Variants in COL19A1 observed in about 807,000 individuals in gnomAD.
COL19A1 encodes collagen type XIX alpha 1 chain, also known as collagen alpha-1(XIX) chain.
In COL19A1, 159 loss-of-function variants were observed where a neutral mutation model predicts 190.2. The observed-to-expected ratio is 0.84, with a 90% CI of 0.73 to 0.95. COL19A1 has a LOEUF of 0.95. COL19A1 is among the 40% of genes least tolerant of loss of function. The pLI is 0.00. For missense variants in COL19A1, 1,418 were observed against 1,431.9 expected (o/e 0.99, Z 0.16); for synonymous variants, 509 against 458.9 (o/e 1.11, Z -1.39).
At chr6:70,064,452 G>A (rs922722852) in intron 14 of COL19A1, among the ~76,000 whole-genome samples, 3 of 152,084 alleles carry the variant, frequency 2.0e-5, no homozygotes, top group African/African-American at 4.8e-5. Context: ...GTATTGATGG[G>A]ACGTATCTCA....
intron 2 of COL19A1, among the ~76,000 whole-genome samples, chr6:69,893,240 A>C (rs1769478896): frequency 1.3e-5 from 2 of 152,186 alleles, no homozygotes; most frequent in Admixed American, 1.3e-4. Context: ...TTTATTCCAA[A>C]GGTTACAATT....
chr6:69,900,540 T>C (rs1383479960), intron 4 of COL19A1, among the ~76,000 whole-genome samples: 1 of 152,094 alleles, frequency 6.6e-6, no homozygotes, highest in Non-Finnish European at 1.5e-5. Context: ...TAAATATCAT[T>C]TATATGTACA....
At chr6:70,175,041 A>G (rs1765721253) in intron 41 of COL19A1, among the ~76,000 whole-genome samples, 1 of 152,254 alleles carries the variant, frequency 6.6e-6, no homozygotes, top group South Asian at 2.1e-4. Flanking sequence ...CAAATATTTC[A>G]TTGAATGAAA....
rs754246388 is a variant in COL19A1, at chr6:69,960,044, A to G, written c.981+4A>G. 1.2e-6 allele frequency: 2 copies of G among 1,612,022 alleles called. No homozygotes were observed. The highest frequency in any genetic ancestry group is 4.5e-5 in the East Asian group (2 of 44,820). Reference sequence around the variant, plus strand: ...TCCAGGATTCCCTGGTCAAAAGGTAAAGAGTTCTTGAATGTTTCATCTGAG... The same window carrying G: ...TCCAGGATTCCCTGGTCAAAAGGTAGAGAGTTCTTGAATGTTTCATCTGAG... On this transcript the variant is annotated splice_donor_region_variant and intron_variant, in intron 10 of 50. Coordinates refer to ENST00000620364, the MANE Select transcript of COL19A1 (RefSeq NM_001858.6).
chr6:69,891,701 C>T (rs1769363206), intron 2 of COL19A1, among the ~76,000 whole-genome samples: 1 of 152,198 alleles, frequency 6.6e-6, no homozygotes, highest in Non-Finnish European at 1.5e-5. Context: ...TATCCACTCT[C>T]ACCTATGCCT....
chr6:70,099,171 C>G (rs1198536632), intron 15 of COL19A1, among the ~76,000 whole-genome samples: 1 of 151,936 alleles, frequency 6.6e-6, no homozygotes, highest in Non-Finnish European at 1.5e-5. Context: ...CCATCCACCC[C>G]TCTCCTCTAT....
At chr6:70,043,565 A>G (rs1231874734) in intron 14 of COL19A1, among the ~76,000 whole-genome samples, 1 of 152,154 alleles carries the variant, frequency 6.6e-6, no homozygotes, top group Non-Finnish European at 1.5e-5. Context: ...AAGAATGGAT[A>G]TTGTGTTAGC....
intron 41 of COL19A1, among the ~76,000 whole-genome samples, chr6:70,172,363 C>T (rs986376639): frequency 6.6e-6 from 1 of 151,862 alleles, no homozygotes; most frequent in Admixed American, 6.6e-5. Context: ...AATAATGTTC[C>T]AGGAAGAGGA....
intron 44 of COL19A1, among the ~76,000 whole-genome samples, chr6:70,180,872 T>C (rs1359614100): frequency 6.6e-6 from 1 of 152,256 alleles, no homozygotes; most frequent in Non-Finnish European, 1.5e-5. Flanking sequence ...ATATAATACC[T>C]GTATGTTAAA....
intron 5 of COL19A1, 91 bp from the exon 6 acceptor site, chr6:69,929,334 A>G (rs999917470): frequency 3.4e-5 from 42 of 1,244,110 alleles, no homozygotes; most frequent in Non-Finnish European, 4.6e-5. Flanking sequence ...CCTCAGTTAT[A>G]CTAATATGCA....
At chr6:70,063,504 C>T (rs1780973663) in intron 14 of COL19A1, among the ~76,000 whole-genome samples, 1 of 151,958 alleles carries the variant, frequency 6.6e-6, no homozygotes, top group Non-Finnish European at 1.5e-5. Context: ...AAATTTATAG[C>T]ACTAAATGCC....
chr6:70,119,453 A>C (rs375986070), intron 16 of COL19A1, among the ~76,000 whole-genome samples: 29 of 152,144 alleles, frequency 1.9e-4, no homozygotes, highest in African/African-American at 7.0e-4. Flanking sequence ...ATTTTTTTTC[A>C]ATTTCAGTAA....
At chr6:70,199,855 T>A in intron 49 of COL19A1, 119 bp downstream of exon 49, 1 of 882,784 alleles carries the variant, frequency 1.1e-6, no homozygotes, top group East Asian at 3.0e-5. Flanking sequence ...ATTACATATA[T>A]AAATATATGC....
At chr6:70,184,820 G>A (rs778270753) in intron 45 of COL19A1, 51 bp from the exon 46 acceptor site, 2 of 1,608,342 alleles carry the variant, frequency 1.2e-6, no homozygotes, top group Non-Finnish European at 1.7e-6. Context: ...CAATCAGACT[G>A]ATGAAAAATC....
intron 11 of COL19A1, among the ~76,000 whole-genome samples, chr6:69,966,578 G>C (rs943915963): frequency 6.6e-5 from 10 of 151,838 alleles, no homozygotes; most frequent in South Asian, 2.1e-4. Context: ...CAGCATGCTC[G>C]TTAAGAGTCA....
intron 11 of COL19A1, among the ~76,000 whole-genome samples, chr6:69,992,938 T>C (rs1199921773): frequency 6.6e-5 from 10 of 151,958 alleles, no homozygotes; most frequent in Admixed American, 6.6e-4. Context: ...TATTTGGATG[T>C]ATTTTATTTC....
At chr6:70,168,530 C>T (rs551226775) in intron 39 of COL19A1, 125 bp from the exon 40 acceptor site, 1 of 787,924 alleles carries the variant, frequency 1.3e-6, no homozygotes, top group Non-Finnish European at 2.0e-6. Context: ...CAAATTCAAA[C>T]TGTAATTAAA....
intron 46 of COL19A1, 144 bp from the exon 47 acceptor site, chr6:70,187,931 A>G (rs2150294287): frequency 5.6e-6 from 5 of 895,022 alleles, no homozygotes; most frequent in Admixed American, 5.9e-5. Flanking sequence ...ACTTTGTAGG[A>G]GAGGAGGCTA....
At chr6:69,936,350 G>A (rs1383365336) in intron 7 of COL19A1, among the ~76,000 whole-genome samples, 1 of 152,020 alleles carries the variant, frequency 6.6e-6, no homozygotes, top group East Asian at 1.9e-4. Context: ...TACTTTATAT[G>A]CTTTAATAAT....
Sources: allele counts gnomAD v4.1 joint callset (sites outside exome capture counted in the v4.1 genomes callset), GRCh38; gene constraint gnomAD v4.1.1; transcripts MANE v1.5; gene names NCBI Gene and HGNC (gene_info 2026-07-23, HGNC 2026-07-21).